The following PARD3 variants were observed in gnomAD, a reference collection of about 807,000 sequenced individuals.
PARD3 encodes partitioning defective 3 homolog.
In PARD3, 75 loss-of-function variants were observed where a neutral mutation model predicts 155.4. The observed-to-expected ratio is 0.48, with a 90% CI of 0.40 to 0.58. PARD3 has a LOEUF of 0.58. Among genes scored for constraint, PARD3 ranks in the 20% least tolerant of loss-of-function variants. The pLI, the probability that PARD3 is intolerant of heterozygous loss-of-function variation, is 0.00. For missense variants in PARD3, 1,642 were observed against 1,721.7 expected (o/e 0.95, Z 0.82); for synonymous variants, 576 against 610.5 (o/e 0.94, Z 0.83).
chr10:34,614,331 T>G (rs1017060946), intron 2 of PARD3, among the ~76,000 whole-genome samples: 21 of 151,944 alleles, frequency 1.4e-4, no homozygotes, highest in African/African-American at 4.6e-4. Context: ...GGAAACTAAT[T>G]GAAAATATCA....
chr10:34,242,627 A>G (rs1354704875), intron 22 of PARD3, among the ~76,000 whole-genome samples: 1 of 152,246 alleles, frequency 6.6e-6, no homozygotes, highest in Non-Finnish European at 1.5e-5. Flanking sequence ...CTACCTCTCC[A>G]TGAGAAATGA....
At chr10:34,137,351 C>T (rs1017176537) in intron 22 of PARD3, among the ~76,000 whole-genome samples, 1 of 152,112 alleles carries the variant, frequency 6.6e-6, no homozygotes, top group Non-Finnish European at 1.5e-5. Context: ...ATGCTGTCAA[C>T]AATGACGGAA....
At chr10:34,618,277 T>C (rs2132684693) in intron 2 of PARD3, among the ~76,000 whole-genome samples, 1 of 152,314 alleles carries the variant, frequency 6.6e-6, no homozygotes, top group South Asian at 2.1e-4. Flanking sequence ...ACCTAAGACC[T>C]CCCAATATCA....
intron 5 of PARD3, among the ~76,000 whole-genome samples, chr10:34,420,754 T>G (rs923783952): frequency 6.6e-6 from 1 of 152,234 alleles, no homozygotes; most frequent in Non-Finnish European, 1.5e-5. Context: ...CCGTACTGTG[T>G]ATTTATAACA....
At chr10:34,617,742 T>C (rs1014484382) in intron 2 of PARD3, among the ~76,000 whole-genome samples, 4 of 152,192 alleles carry the variant, frequency 2.6e-5, no homozygotes, top group Non-Finnish European at 5.9e-5. Flanking sequence ...AAGGGAGACA[T>C]GAGTAGGCAG....
chr10:34,124,934 C>T (rs1002932614), intron 23 of PARD3, among the ~76,000 whole-genome samples: 2 of 152,170 alleles, frequency 1.3e-5, no homozygotes, highest in Non-Finnish European at 2.9e-5. Context: ...CATAGCATGG[C>T]CATGAGTCAC....
chr10:34,650,754 G>A (rs1462630568), intron 2 of PARD3, among the ~76,000 whole-genome samples: 2 of 152,170 alleles, frequency 1.3e-5, no homozygotes, highest in African/African-American at 4.8e-5. Flanking sequence ...GCTCACGCCT[G>A]TAATCCCAGC....
chr10:34,415,361 T>C (rs900083616), intron 5 of PARD3, among the ~76,000 whole-genome samples: 1 of 152,050 alleles, frequency 6.6e-6, no homozygotes, highest in Admixed American at 6.6e-5. Context: ...TTGAGTACCA[T>C]TAGAAAGAAA....
intron 2 of PARD3, among the ~76,000 whole-genome samples, chr10:34,653,646 G>A (rs2093080438): frequency 6.6e-6 from 1 of 152,110 alleles, no homozygotes; most frequent in Non-Finnish European, 1.5e-5. Flanking sequence ...ACTGCCAGGT[G>A]TGGTGGTGCA....
chr10:34,814,804 A>C, intron 1 of PARD3, 72 bp downstream of exon 1: 1 of 1,248,862 alleles, frequency 8.0e-7, no homozygotes, highest in Non-Finnish European at 1.1e-6. Flanking sequence ...TCCCCCTTCC[A>C]GGAAGCGCCA....
At chr10:34,487,135 C>G (rs2079531050) in intron 3 of PARD3, among the ~76,000 whole-genome samples, 1 of 152,110 alleles carries the variant, frequency 6.6e-6, no homozygotes, top group Admixed American at 6.5e-5. Flanking sequence ...CTGGAACACT[C>G]TGCAACTACA....
At chr10:34,345,984 ATTATC>A in intron 15 of PARD3, 6 of 984,926 alleles carry the variant, frequency 6.1e-6, no homozygotes, top group Non-Finnish European at 3.6e-6. Context: ...AATTGTAAAA[ATTATC>A]TTAAGAAAAT....
At chr10:34,434,544 T>C (rs1348955787) in intron 5 of PARD3, among the ~76,000 whole-genome samples, 1 of 152,182 alleles carries the variant, frequency 6.6e-6, no homozygotes, top group Non-Finnish European at 1.5e-5. Context: ...TGTTCCTGGG[T>C]ATGGTCAGAG....
chr10:34,366,531 A>C (rs2134565841), intron 12 of PARD3, among the ~76,000 whole-genome samples: 1 of 152,202 alleles, frequency 6.6e-6, no homozygotes, highest in Admixed American at 6.5e-5. Context: ...ATGAATGAGC[A>C]CCTTAGGACA....
At chr10:34,419,133 TG>T (rs1283108889) in intron 5 of PARD3, among the ~76,000 whole-genome samples, 2 of 151,932 alleles carry the variant, frequency 1.3e-5, no homozygotes, top group Non-Finnish European at 2.9e-5. Context: ...ACAGAATAAC[TG>T]TTGAATATTA....
chr10:34,237,096 G>C (rs1002985946), intron 22 of PARD3, among the ~76,000 whole-genome samples: 1 of 152,172 alleles, frequency 6.6e-6, no homozygotes, highest in Non-Finnish European at 1.5e-5. Flanking sequence ...ACATTGCTGG[G>C]TTGTGAGAAT....
At chr10:34,661,783 G>C (rs1352048776) in intron 2 of PARD3, among the ~76,000 whole-genome samples, 2 of 152,214 alleles carry the variant, frequency 1.3e-5, no homozygotes, top group African/African-American at 2.4e-5. Flanking sequence ...TGTCAAAGGA[G>C]GGACCGCCCA....
At chr10:34,680,728 G>C (rs1033012821) in intron 2 of PARD3, among the ~76,000 whole-genome samples, 5 of 149,904 alleles carry the variant, frequency 3.3e-5, no homozygotes, top group Admixed American at 6.7e-5. Context: ...GTAAACTATC[G>C]CAAGAGCAAA....
chr10:34,487,694 A>G (rs1326975831), intron 3 of PARD3, among the ~76,000 whole-genome samples: 2 of 151,234 alleles, frequency 1.3e-5, no homozygotes, highest in Non-Finnish European at 2.9e-5. Context: ...TGCAGTGCTG[A>G]CTCCCTTATG....
Sources: allele counts gnomAD v4.1 joint callset (sites outside exome capture counted in the v4.1 genomes callset), GRCh38; gene constraint gnomAD v4.1.1; transcripts MANE v1.5; gene names NCBI Gene and HGNC (gene_info 2026-07-23, HGNC 2026-07-21).